RCAN1: variants seen among roughly 807,000 people sequenced by gnomAD.
RCAN1 encodes calcipressin-1.
RCAN1 carries 11 observed loss-of-function variants against 22.9 expected under a neutral mutation model. The observed-to-expected ratio is 0.48, with a 90% CI of 0.30 to 0.79. RCAN1 has a LOEUF of 0.79. Ranked by LOEUF, RCAN1 falls within the 30% of genes least tolerant of loss-of-function variation. The probability of loss-of-function intolerance (pLI) is 0.06; values close to 1 mark genes in which losing one functional copy is unlikely to be tolerated. For missense variants in RCAN1, 291 were observed against 337.8 expected (o/e 0.86, Z 1.09); for synonymous variants, 136 against 142.3 (o/e 0.96, Z 0.32).
intron 1 of RCAN1, among the ~76,000 whole-genome samples, chr21:34,554,796 G>A (rs1339428979): frequency 6.6e-6 from 1 of 152,208 alleles, no homozygotes; most frequent in Non-Finnish European, 1.5e-5. Context: ...AACTGGGAAA[G>A]CATCACTATC....
At chr21:34,537,517 G>A (rs11910717) in intron 1 of RCAN1, among the ~76,000 whole-genome samples, 36,431 of 152,122 alleles carry the variant, frequency 0.24, 5,074 homozygotes, top group African/African-American at 0.38. Context: ...CACTGTGGCC[G>A]AGCAGATGCC....
At chr21:34,612,402 C>T (rs971890468) in intron 1 of RCAN1, among the ~76,000 whole-genome samples, 4 of 152,210 alleles carry the variant, frequency 2.6e-5, no homozygotes, top group Admixed American at 6.5e-5. Flanking sequence ...GCCGGGATGC[C>T]GGCCACACAA....
intron 1 of RCAN1, among the ~76,000 whole-genome samples, chr21:34,533,578 G>T (rs1985528993): frequency 6.6e-6 from 1 of 151,934 alleles, no homozygotes; most frequent in Non-Finnish European, 1.5e-5. Flanking sequence ...ACTGTTCTAG[G>T]TACTAGGAAT....
intron 1 of RCAN1, among the ~76,000 whole-genome samples, chr21:34,566,655 C>T (rs1987018299): frequency 6.6e-6 from 1 of 152,114 alleles, no homozygotes; most frequent in Non-Finnish European, 1.5e-5. Context: ...TGCTGTGTTG[C>T]TCTCAGGGAA....
intron 1 of RCAN1, among the ~76,000 whole-genome samples, chr21:34,564,310 C>T (rs758199792): frequency 3.9e-5 from 6 of 152,012 alleles, no homozygotes; most frequent in South Asian, 4.2e-4. Context: ...CCATATCAGG[C>T]GGGGGGATCA....
intron 1 of RCAN1, among the ~76,000 whole-genome samples, chr21:34,603,770 T>C (rs545178195): frequency 6.6e-6 from 1 of 152,344 alleles, no homozygotes; most frequent in Admixed American, 6.5e-5. Context: ...TTCAAAGAGA[T>C]GATGTACCTA....
In RCAN1 at chr21:34,614,825, C is replaced by T; in HGVS notation, c.187G>A (p.Asp63Asn). ...CAGGCGATGGTGGCGCTGGGCAGGT[C>T]CTGCAGGTCCACCTCCTCCATCTCG... ...DCEMEEVDLQDLPSATIACHL... is the reference protein window; with the variant it reads ...DCEMEEVDLQNLPSATIACHL... The change falls in exon 1 of 4, where the codon GAC (aspartate) becomes AAC (asparagine). Residue 63 changes from aspartate (D) to asparagine (N), a missense_variant. Asp to Asn is a conservative substitution (Grantham distance 23). Transcript: ENST00000313806. This position sits in a 1 kb window ranked among gnomAD's most constrained non-coding sequence, Gnocchi z 6.0. 6.7e-7 allele frequency: 1 copy of T among 1,491,628 alleles called. No individual in the cohort carries two copies. The highest frequency in any genetic ancestry group is 8.9e-7 in the Non-Finnish European group (1 of 1,119,288). The allele number at this position is 1,491,628 out of a possible 1,614,324, so 92.4% of individuals were successfully genotyped here.
rs1452751828 is a variant in RCAN1 at position 34,546,802 on chromosome 21, A to G, written c.253-23092T>C. On this transcript the variant is annotated intron_variant, in intron 1 of 3. Coordinates refer to ENST00000313806, the MANE Select transcript of RCAN1 (RefSeq NM_004414.7). ...AGAAGCATTCAATTCCATTTTAGATATGGAAAAAGAGCGTGTTTTTCCCAT... is the reference window on the plus strand; with the variant it reads ...AGAAGCATTCAATTCCATTTTAGATGTGGAAAAAGAGCGTGTTTTTCCCAT... Among the ~76,000 whole-genome samples, 11 of 152,348 alleles carry G rather than the reference A, an allele frequency of 7.2e-5. No individual in the cohort carries two copies. The East Asian group carries it at 2.1e-3, about 29-fold the overall frequency.
intron 1 of RCAN1, among the ~76,000 whole-genome samples, chr21:34,594,401 C>A (rs553444523): frequency 6.6e-6 from 1 of 152,190 alleles, no homozygotes; most frequent in African/African-American, 2.4e-5. Context: ...AAAATACAAG[C>A]ATTAGCTGGG....
chr21:34,613,759 A>G (rs1213026376), intron 1 of RCAN1: 1 of 1,484,762 alleles, frequency 6.7e-7, no homozygotes, highest in Non-Finnish European at 9.1e-7. Flanking sequence ...GTAAGTGAAC[A>G]TATAAATTAT....
intron 1 of RCAN1, among the ~76,000 whole-genome samples, chr21:34,595,193 T>TAC (rs1199649403): frequency 6.6e-6 from 1 of 152,180 alleles, no homozygotes; most frequent in Non-Finnish European, 1.5e-5. Context: ...AGCATTTCCT[T>TAC]ACACACACAC....
intron 1 of RCAN1, among the ~76,000 whole-genome samples, chr21:34,529,709 T>C (rs911831822): frequency 2.0e-5 from 3 of 152,340 alleles, no homozygotes; most frequent in Non-Finnish European, 4.4e-5. Flanking sequence ...TGGATGTCAG[T>C]GATCTGAAGA....
intron 1 of RCAN1, among the ~76,000 whole-genome samples, chr21:34,553,862 A>G (rs1250891275): frequency 6.6e-6 from 1 of 152,226 alleles, no homozygotes; most frequent in Non-Finnish European, 1.5e-5. Context: ...GAGAAGAAAC[A>G]TAATGAGGAT....
chr21:34,572,404 C>T (rs1987264772), intron 1 of RCAN1, among the ~76,000 whole-genome samples: 2 of 152,130 alleles, frequency 1.3e-5, no homozygotes, highest in Non-Finnish European at 2.9e-5. Context: ...AAGGGACATC[C>T]TGGGGCTGGT....
chr21:34,607,642 T>C (rs1261617622), intron 1 of RCAN1, among the ~76,000 whole-genome samples: 2 of 152,242 alleles, frequency 1.3e-5, no homozygotes, highest in Admixed American at 6.5e-5. Flanking sequence ...GTTGGAATTA[T>C]AGGCATTAGT....
Position 34,516,893 on chromosome 21 carries a change from A to C in RCAN1, c.*1191T>G, listed in dbSNP as rs1984078927. Reference sequence around the variant, plus strand: ...AATGTTAACCTAGTATAACAATTCCATCAGGAATGAATGGGGAAAGGCACT... The same window carrying C: ...AATGTTAACCTAGTATAACAATTCCCTCAGGAATGAATGGGGAAAGGCACT... On this transcript the variant is annotated 3_prime_UTR_variant, in exon 4 of 4. Transcript: ENST00000313806. 1 of 152,684 alleles carries C rather than the reference A, an allele frequency of 6.5e-6. No individual in the cohort carries two copies. Among genetic ancestry groups the C allele is most frequent in the Admixed American group, 6.5e-5 (1 of 15,292 alleles). 9.5% of individuals were successfully genotyped at this position (152,684 alleles called of 1,614,324 possible). A position where few individuals can be genotyped will look rare whatever the true frequency, so the allele number is the denominator to read the frequency against.
rs148933173 is a variant in RCAN1, at chr21:34,531,037, T to G, written c.253-7327A>C. On this transcript the variant is annotated intron_variant, in intron 1 of 3. Transcript: ENST00000313806. ...GCTCTCTTCCTCATCTTTACCACTT[T>G]GTGGTCTAAAAGGCATTATTAACTA... is the stretch of plus-strand genomic sequence containing the variant. Among the ~76,000 whole-genome samples the G allele has an allele frequency of 9.8e-3, 1,493 of 152,306 alleles. 13 individuals carry two copies. Among genetic ancestry groups the G allele is most frequent in the Middle Eastern group, 0.058 (17 of 294 alleles).
intron 1 of RCAN1, among the ~76,000 whole-genome samples, chr21:34,545,911 T>C (rs1441810823): frequency 6.6e-6 from 1 of 152,232 alleles, no homozygotes; most frequent in Non-Finnish European, 1.5e-5. Context: ...CTTAATTTCT[T>C]GTTCAACAGA....
chr21:34,582,575 G>C (rs1190872897), intron 1 of RCAN1, among the ~76,000 whole-genome samples: 1 of 152,196 alleles, frequency 6.6e-6, no homozygotes, highest in Non-Finnish European at 1.5e-5. Context: ...GAGTAGCCCA[G>C]CTGTGGTATT....
Sources: allele counts gnomAD v4.1 joint callset (sites outside exome capture counted in the v4.1 genomes callset), GRCh38; gene constraint gnomAD v4.1.1; non-coding constraint Gnocchi (gnomAD v3.1); transcripts MANE v1.5; gene names NCBI Gene and HGNC (gene_info 2026-07-23, HGNC 2026-07-21).